SYT7: variants seen among roughly 807,000 people sequenced by gnomAD.
The protein encoded by SYT7 is synaptotagmin-7.
SYT7 carries 29 observed loss-of-function variants against 75.1 expected under a neutral mutation model. The ratio of observed to expected loss-of-function variants is 0.39; its 90% confidence interval spans 0.29 to 0.53. The LOEUF is 0.53. Ranked by LOEUF, SYT7 falls within the 20% of genes least tolerant of loss-of-function variation. SYT7 has a pLI of 0.77. For missense variants in SYT7, 693 were observed against 953.2 expected, an observed-to-expected ratio of 0.73 and a Z score of 3.59; for synonymous variants, 376 against 401.7, an observed-to-expected ratio of 0.94 and a Z score of 0.76.
intron 3 of SYT7, among the ~76,000 whole-genome samples, chr11:61,548,931 A>G (rs2063269317): frequency 6.6e-6 from 1 of 152,156 alleles, no homozygotes; most frequent in Non-Finnish European, 1.5e-5. Context: ...GCCAAAGCGT[A>G]GAGCCAGCTC....
At chr11:61,527,715 G>A (rs1336932955) in intron 9 of SYT7, among the ~76,000 whole-genome samples, 200 bp downstream of exon 9, 1 of 152,244 alleles carries the variant, frequency 6.6e-6, no homozygotes, top group Non-Finnish European at 1.5e-5. Context: ...GTGTGCGAGA[G>A]CACATGTGTG....
Position 61,542,296 on chromosome 11 carries a change from C to T in SYT7, c.856G>A (p.Gly286Arg). The T allele has an allele frequency of 6.5e-7, 1 of 1,534,504 alleles. No homozygotes were observed. The highest frequency in any genetic ancestry group is 8.7e-7 in the Non-Finnish European group (1 of 1,146,142). The change falls in exon 6 of 13, where the codon GGG (glycine) becomes AGG (arginine). Residue 286 changes from glycine to arginine, a missense_variant. This residue lies in a region of SYT7 where 487 missense variants were observed against 593.2 expected (regional missense o/e 0.82). Coordinates refer to ENST00000539008, the MANE Select transcript of SYT7 (RefSeq NM_001365809.2). This position sits in a 1 kb window ranked among gnomAD's most constrained non-coding sequence, Gnocchi z 7.8. ...TSAGSKYRAA[G>R]GRSRSNPGSW... ...CCTGGGTTGGAGCGGCTGCGGCCCCCTGCCGCCCGGTACTTGGAGCCGGCC... is the reference window on the plus strand; with the variant it reads ...CCTGGGTTGGAGCGGCTGCGGCCCCTTGCCGCCCGGTACTTGGAGCCGGCC...
At chr11:61,572,943 A>G (rs2063962425) in intron 1 of SYT7, among the ~76,000 whole-genome samples, 2 of 152,208 alleles carry the variant, frequency 1.3e-5, no homozygotes, top group African/African-American at 2.4e-5. Context: ...CCAAATGCCA[A>G]CATGCATGTG....
At chr11:61,564,192 G>T (rs967927381) in intron 1 of SYT7, among the ~76,000 whole-genome samples, 2 of 152,210 alleles carry the variant, frequency 1.3e-5, no homozygotes, top group African/African-American at 4.8e-5. Context: ...TGCTGGACAT[G>T]CTGGGAATCT....
intron 8 of SYT7, among the ~76,000 whole-genome samples, chr11:61,530,327 T>G (rs1378013165): frequency 6.6e-6 from 1 of 152,176 alleles, no homozygotes; most frequent in Non-Finnish European, 1.5e-5. Context: ...CCCCCACCCC[T>G]TGGCCGATCC....
In SYT7 at chr11:61,551,296, C is replaced by T. The variant is rs566354553; in HGVS notation, c.215+88G>A. 6.5e-6 allele frequency: 8 copies of T among 1,233,694 alleles called. No homozygotes were observed. The African/African-American group carries it at 1.0e-4, about 16-fold the overall frequency. 76.4% of individuals were successfully genotyped at this position (1,233,694 alleles called of 1,614,324 possible). On this transcript the variant is annotated intron_variant, in intron 3 of 12. Coordinates refer to ENST00000539008, the MANE Select transcript of SYT7 (RefSeq NM_001365809.2). The surrounding 1 kb of genome is among the most constrained non-coding windows in gnomAD (Gnocchi z 5.3). ...TGTGGGGGAAGTGAAAGTGTGTGGT[C>T]AGGTCTGTGGGGCTGGGGGAGAGAA...
intron 8 of SYT7, 65 bp from the exon 9 acceptor site, chr11:61,528,250 T>C (rs1264349038): frequency 6.4e-7 from 1 of 1,566,112 alleles, no homozygotes. Context: ...TCCCCACCGC[T>C]GGCTAGCACG....
chr11:61,559,333 T>C (rs1212565755), intron 1 of SYT7, among the ~76,000 whole-genome samples: 2 of 151,964 alleles, frequency 1.3e-5, no homozygotes, highest in African/African-American at 2.4e-5. Flanking sequence ...GGGAAAGGCA[T>C]GGAGGTGGGA....
chr11:61,564,338 T>C (rs542416127), intron 1 of SYT7, among the ~76,000 whole-genome samples: 139 of 152,340 alleles, frequency 9.1e-4, no homozygotes, highest in African/African-American at 1.7e-3. Flanking sequence ...CCTAGACTGC[T>C]TCTGCTCCTG....
chr11:61,528,210 G>A (rs754037856), intron 8 of SYT7, 25 bp from the exon 9 acceptor site: 24 of 1,604,662 alleles, frequency 1.5e-5, no homozygotes, highest in Non-Finnish European at 2.0e-5. Flanking sequence ...GAGGCCGGCA[G>A]GGTTTGGGGA....
At chr11:61,537,810 G>A (rs2062912276) in intron 7 of SYT7, among the ~76,000 whole-genome samples, 1 of 152,164 alleles carries the variant, frequency 6.6e-6, no homozygotes, top group Non-Finnish European at 1.5e-5. Context: ...TTGGGGTGGG[G>A]ACAGAGATGA....
At chr11:61,586,044 C>T (rs2064377680), upstream of SYT7, among the ~76,000 whole-genome samples, 1 of 152,170 alleles carries the variant, frequency 6.6e-6, no homozygotes, top group Non-Finnish European at 1.5e-5. Flanking sequence ...AGCTGACTTT[C>T]CATAGCTATA....
rs1013265783 is a variant in SYT7 at position 61,580,223 on chromosome 11, C to G, written c.31+567G>C. On this transcript the variant is annotated intron_variant, in intron 1 of 12. Transcript: ENST00000539008. This position sits in a 1 kb window ranked among gnomAD's most constrained non-coding sequence, Gnocchi z 6.1. ...TGCTCTCTTTCCCTTCAGGCACCCC[C>G]GTCTCACCCATCAACGCCCCTGCAG... 4.6e-5 allele frequency among the ~76,000 whole-genome samples: 7 copies of G among 151,954 alleles called. No individual in the cohort carries two copies. Among genetic ancestry groups the G allele is most frequent in the African/African-American group, 9.7e-5 (4 of 41,342 alleles).
At chr11:61,568,491 C>T (rs1461006136) in intron 1 of SYT7, among the ~76,000 whole-genome samples, 1 of 152,148 alleles carries the variant, frequency 6.6e-6, no homozygotes, top group Non-Finnish European at 1.5e-5. Flanking sequence ...TTCCAGCCAC[C>T]CTGCCTCCCC....
chr11:61,539,047 C>T (rs1033341005), intron 6 of SYT7, among the ~76,000 whole-genome samples: 1 of 152,188 alleles, frequency 6.6e-6, no homozygotes. Context: ...GGAATGAGCA[C>T]CACCGCTGAG....
chr11:61,544,346 T>A (rs754467085), intron 5 of SYT7, among the ~76,000 whole-genome samples: 11 of 151,514 alleles, frequency 7.3e-5, no homozygotes, highest in Non-Finnish European at 1.6e-4. Context: ...CCCTGTGGGC[T>A]GAGAGAGAGA....
At chr11:61,583,487 C>T (rs1400799812), upstream of SYT7, among the ~76,000 whole-genome samples, 3 of 152,184 alleles carry the variant, frequency 2.0e-5, no homozygotes, top group African/African-American at 7.2e-5. Flanking sequence ...AAGGCAAGGC[C>T]TCTAGAAGAG....
rs529614007 is a variant in SYT7, at chr11:61,524,566, G to A, written c.1472-34C>T. 4.5e-6 allele frequency: 7 copies of A among 1,541,172 alleles called. No individual in the cohort carries two copies. The African/African-American group carries it at 8.2e-5, about 18-fold the overall frequency. Reference sequence around the variant, plus strand: ...ATAGATGAGTGTGAGTGAAGAGGGGGACAGAGGGGCTGCACGGGGCCCGGG... The same window carrying A: ...ATAGATGAGTGTGAGTGAAGAGGGGAACAGAGGGGCTGCACGGGGCCCGGG... On this transcript the variant is annotated intron_variant, in intron 9 of 12. Transcript: ENST00000539008. The surrounding 1 kb of genome is among the most constrained non-coding windows in gnomAD (Gnocchi z 4.1).
chr11:61,538,272 C>G lies in SYT7; in HGVS notation c.942-6G>C. ...GCACCACCATCCGGCCTTCCCTGCC[C>G]GGGGAGGGCAGCCCACAGGCCAGGG... On this transcript the variant is annotated splice_region_variant and splice_polypyrimidine_tract_variant and intron_variant, in intron 6 of 12. Transcript: ENST00000539008. 6.7e-7 allele frequency: 1 copy of G among 1,497,566 alleles called. No homozygotes were observed. Among genetic ancestry groups the G allele is most frequent in the African/African-American group, 1.4e-5 (1 of 71,894 alleles). The allele number at this position is 1,497,566 out of a possible 1,614,324, so 92.8% of individuals were successfully genotyped here.
Sources: gnomAD v4.1 joint callset for allele counts (sites outside exome capture counted in the v4.1 genomes callset) on GRCh38, gnomAD v4.1.1 for gene constraint, gnomAD v4.1.1 regional missense constraint, Gnocchi (gnomAD v3.1) non-coding constraint, MANE v1.5 for transcripts, NCBI Gene and HGNC (gene_info 2026-07-23, HGNC 2026-07-21) for gene names.